ATAD2B: variants seen among roughly 807,000 people sequenced by gnomAD.
ATAD2B encodes ATPase family AAA domain-containing protein 2B.
ATAD2B carries 40 observed loss-of-function variants against 167.6 expected under a neutral mutation model. The ratio of observed to expected loss-of-function variants is 0.24; its 90% CI spans 0.19 to 0.31. The LOEUF (loss-of-function observed/expected upper bound fraction) is 0.31, where lower values mean the gene tolerates loss of function less well. Ranked by LOEUF, ATAD2B falls within the 10% of genes least tolerant of loss-of-function variation. The probability of loss-of-function intolerance (pLI) is 1.00; values close to 1 mark genes in which losing one functional copy is unlikely to be tolerated. For synonymous variants in ATAD2B, 579 were observed against 596.5 expected (o/e 0.97, Z 0.43); for missense variants, 1,242 against 1,757.2 (o/e 0.71, Z 5.24).
the ATAD2B span, among the ~76,000 whole-genome samples, chr2:23,727,015 A>T: frequency 6.6e-6 from 1 of 152,326 alleles, no homozygotes; most frequent in South Asian, 2.1e-4. Flanking sequence ...AACACCAATT[A>T]AAAAAACAGA....
chr2:23,804,894 G>A (rs941378806), intron 18 of ATAD2B, among the ~76,000 whole-genome samples: 2 of 152,024 alleles, frequency 1.3e-5, no homozygotes, highest in African/African-American at 4.8e-5. Context: ...ATTACAACCA[G>A]CACTTTGGGA....
chr2:23,890,856 T>A (rs946319489), intron 2 of ATAD2B, among the ~76,000 whole-genome samples: 1 of 152,204 alleles, frequency 6.6e-6, no homozygotes, highest in Admixed American at 6.5e-5. Flanking sequence ...TTATTACTAA[T>A]GAAAGATCTG....
chr2:23,678,786 T>C, the ATAD2B span, among the ~76,000 whole-genome samples: 1 of 152,198 alleles, frequency 6.6e-6, no homozygotes, highest in Non-Finnish European at 1.5e-5. Context: ...TTAAGGACAT[T>C]ATGCTAGGTG....
intron 13 of ATAD2B, among the ~76,000 whole-genome samples, chr2:23,850,509 G>C (rs1692399857): frequency 6.6e-6 from 1 of 152,088 alleles, no homozygotes; most frequent in Non-Finnish European, 1.5e-5. Context: ...GAAAAGACTT[G>C]GGAGACCTGA....
chr2:23,878,034 A>AAAAAAGC, intron 7 of ATAD2B, among the ~76,000 whole-genome samples: 1 of 147,570 alleles, frequency 6.8e-6, no homozygotes, highest in African/African-American at 2.5e-5. Context: ...AAAAAAAAAA[A>AAAAAAGC]AAAAAGCAAA....
At chr2:23,863,326 A>C (rs1249828447) in intron 12 of ATAD2B, 55 bp downstream of exon 12, 8 of 1,500,242 alleles carry the variant, frequency 5.3e-6, no homozygotes, top group Non-Finnish European at 6.2e-6. Flanking sequence ...AAAACAAAGA[A>C]AGAAAAGAAC....
At chr2:23,892,106 C>A (rs770589648) in intron 2 of ATAD2B, among the ~76,000 whole-genome samples, 1 of 152,220 alleles carries the variant, frequency 6.6e-6, no homozygotes, top group Non-Finnish European at 1.5e-5. Flanking sequence ...ACTACTTCCT[C>A]ATTACCTAAC....
intron 10 of ATAD2B, among the ~76,000 whole-genome samples, chr2:23,867,368 A>G (rs527614484): frequency 6.6e-6 from 1 of 152,162 alleles, no homozygotes; most frequent in Non-Finnish European, 1.5e-5. Context: ...TCTGAATTCA[A>G]TCCTCAATTC....
chr2:23,921,722 G>C (rs1703952879), intron 1 of ATAD2B, among the ~76,000 whole-genome samples: 1 of 152,108 alleles, frequency 6.6e-6, no homozygotes, highest in Non-Finnish European at 1.5e-5. Flanking sequence ...CTCCACTACT[G>C]CTTTGGTTCG....
chr2:23,803,175 T>C (rs966663579), intron 18 of ATAD2B, among the ~76,000 whole-genome samples: 11 of 152,154 alleles, frequency 7.2e-5, no homozygotes, highest in Non-Finnish European at 1.5e-4. Flanking sequence ...ACTACCGATA[T>C]TAACATCTCC....
intron 2 of ATAD2B, among the ~76,000 whole-genome samples, chr2:23,889,231 G>A (rs150680441): frequency 7.0e-4 from 106 of 152,072 alleles, no homozygotes; most frequent in East Asian, 4.1e-3. Context: ...ACAGTGGCGC[G>A]ATCTCGGCTT....
intron 7 of ATAD2B, 75 bp downstream of exon 7, chr2:23,880,562 CAA>C (rs374010112): frequency 0.023 from 15,193 of 663,244 alleles, no homozygotes; most frequent in South Asian, 0.037. Flanking sequence ...GACTCTGTCT[CAA>C]AAAAAAAAAA....
intron 15 of ATAD2B, among the ~76,000 whole-genome samples, chr2:23,827,219 T>C (rs1254522221): frequency 6.6e-6 from 1 of 152,052 alleles, no homozygotes; most frequent in Non-Finnish European, 1.5e-5. Context: ...GCACACATAC[T>C]ACCACCCCAC....
At chr2:23,877,575 G>T in intron 7 of ATAD2B, among the ~76,000 whole-genome samples, 1 of 125,678 alleles carries the variant, frequency 8.0e-6, no homozygotes, top group Non-Finnish European at 1.7e-5. Flanking sequence ...GGGGAGGGGA[G>T]GGAAGGAAGG....
At chr2:23,887,683 G>A in intron 4 of ATAD2B, 149 bp downstream of exon 4, 1 of 604,138 alleles carries the variant, frequency 1.7e-6, no homozygotes, top group Non-Finnish European at 2.7e-6. Flanking sequence ...AATTCAAAAT[G>A]TTGAACTGAC....
At chr2:23,839,139 T>C (rs1228769803) in intron 13 of ATAD2B, among the ~76,000 whole-genome samples, 2 of 152,170 alleles carry the variant, frequency 1.3e-5, no homozygotes, top group Non-Finnish European at 1.5e-5. Context: ...TTAGCATCTA[T>C]CTACAGGTTG....
intron 2 of ATAD2B, among the ~76,000 whole-genome samples, chr2:23,891,436 AAAG>A (rs1215193960): frequency 5.9e-5 from 9 of 152,048 alleles, no homozygotes; most frequent in Admixed American, 3.3e-4. Context: ...TATTTTTTGA[AAAG>A]AAGGAAGGTG....
intron 18 of ATAD2B, among the ~76,000 whole-genome samples, chr2:23,805,079 G>A (rs527977226): frequency 6.6e-6 from 1 of 151,234 alleles, no homozygotes; most frequent in Non-Finnish European, 1.5e-5. Context: ...GGAGGCGGAG[G>A]TTGCAATGAG....
chr2:23,828,804 C>T, intron 15 of ATAD2B, 45 bp downstream of exon 15: 1 of 1,252,486 alleles, frequency 8.0e-7, no homozygotes, highest in Non-Finnish European at 1.2e-6. Flanking sequence ...GGAGGTTGAG[C>T]AGAACAAACA....
Sources: gnomAD v4.1 joint callset for allele counts (sites outside exome capture counted in the v4.1 genomes callset) on GRCh38, gnomAD v4.1.1 for gene constraint, MANE v1.5 for transcripts, NCBI Gene and HGNC (gene_info 2026-07-23, HGNC 2026-07-21) for gene names.